The following SCAMP4 variants were observed in gnomAD, a reference collection of about 807,000 sequenced individuals.
SCAMP4 encodes the protein secretory carrier-associated membrane protein 4.
A neutral mutation model predicts 32.1 loss-of-function variants in SCAMP4; 19 were observed. That is an observed-to-expected ratio of 0.59 (90% confidence interval 0.41 to 0.87). SCAMP4 has a LOEUF of 0.87. Ranked by LOEUF, SCAMP4 falls within the 40% of genes least tolerant of loss-of-function variation. The pLI is 0.00. For synonymous variants in SCAMP4, 152 were observed against 132.7 expected (o/e 1.15, Z -1.00); for missense variants, 302 against 309.0 (o/e 0.98, Z 0.17).
intron 1 of SCAMP4, among the ~76,000 whole-genome samples, chr19:1,910,900 C>T (rs971822235): frequency 6.6e-6 from 1 of 151,044 alleles, no homozygotes; most frequent in Non-Finnish European, 1.5e-5. Context: ...GACAGTCTCG[C>T]GCTGTTACCA....
chr19:1,925,658 C>T lies in SCAMP4; in HGVS notation c.*1374C>T, dbSNP rs2014074615. The T allele has an allele frequency of 6.6e-6, 1 of 152,664 alleles. No individual in the cohort carries two copies. Among genetic ancestry groups the T allele is most frequent in the Non-Finnish European group, 1.5e-5 (1 of 68,210 alleles). 9.5% of individuals were successfully genotyped at this position (152,664 alleles called of 1,614,324 possible). A position where few individuals can be genotyped will look rare whatever the true frequency, so the allele number is the denominator to read the frequency against. On this transcript the variant is annotated 3_prime_UTR_variant, in exon 7 of 7. Transcript: ENST00000316097. ...CCCGTTCACCCCCAGGATGCTGTTG[C>T]TGTAGGACGCCTGCTGCCCTGGAGC... is the stretch of plus-strand genomic sequence containing the variant.
rs1268845197 is a variant in SCAMP4 at position 1,908,978 on chromosome 19, G to T, written c.-42+3539G>T. Reference sequence around the variant, plus strand: ...AAATTAGCCGGGCGTGGTGGCATGTGCCTGTATTCCCAGCTACTAGGGGGG... The same window carrying T: ...AAATTAGCCGGGCGTGGTGGCATGTTCCTGTATTCCCAGCTACTAGGGGGG... On this transcript the variant is annotated intron_variant, in intron 1 of 6. Coordinates refer to ENST00000316097, the MANE Select transcript of SCAMP4 (RefSeq NM_079834.4). This position sits in a 1 kb window ranked among gnomAD's most constrained non-coding sequence, Gnocchi z 4.2. 6.6e-6 allele frequency among the ~76,000 whole-genome samples: 1 copy of T among 152,104 alleles called. No homozygotes were observed. The highest frequency in any genetic ancestry group is 1.5e-5 in the Non-Finnish European group (1 of 68,018).
rs1353959059 is a variant in SCAMP4, at chr19:1,908,412, C to A, written c.-42+2973C>A. 2.2e-6 allele frequency: 1 copy of A among 452,370 alleles called. No homozygotes were observed. Among genetic ancestry groups the A allele is most frequent in the Non-Finnish European group, 4.6e-6 (1 of 216,576 alleles). 28.0% of individuals were successfully genotyped at this position (452,370 alleles called of 1,614,324 possible). A position where few individuals can be genotyped will look rare whatever the true frequency, so the allele number is the denominator to read the frequency against. ...GGCGCCCCGGCGGCTGAGGCGTGGA[C>A]CAGGCAGTGCATGTCGAGGAGTAGC... On this transcript the variant is annotated intron_variant, in intron 1 of 6. Transcript: ENST00000316097. This position sits in a 1 kb window ranked among gnomAD's most constrained non-coding sequence, Gnocchi z 4.2.
chr19:1,920,534 GC>G lies in SCAMP4; in HGVS notation c.395+1546del, dbSNP rs534923633. On this transcript the variant is annotated intron_variant, in intron 5 of 6. Coordinates refer to ENST00000316097, the MANE Select transcript of SCAMP4 (RefSeq NM_079834.4). Reference sequence around the variant, plus strand: ...TGCCGCTGAAGCTGGTCTGTCACCTGCCACCCCAAGAGCCTGAGTGACGTTG... The same window carrying G: ...TGCCGCTGAAGCTGGTCTGTCACCTGCACCCCAAGAGCCTGAGTGACGTTG... The G allele has an allele frequency of 5.2e-4, 480 of 920,572 alleles. 3 individuals carry two copies. The African/African-American group carries it at 7.9e-3, about 15-fold the overall frequency. 57.0% of individuals were successfully genotyped at this position (920,572 alleles called of 1,614,324 possible). A position where few individuals can be genotyped will look rare whatever the true frequency, so the allele number is the denominator to read the frequency against.
intron 5 of SCAMP4, chr19:1,919,265 A>G: frequency 7.6e-7 from 1 of 1,308,174 alleles, no homozygotes; most frequent in Non-Finnish European, 9.8e-7. Flanking sequence ...GCGCCCAGCC[A>G]GGCTTGTCTC....
rs544519549 is a variant in SCAMP4, at chr19:1,921,174, C to T, written c.396-1896C>T. On this transcript the variant is annotated intron_variant, in intron 5 of 6. Coordinates refer to ENST00000316097, the MANE Select transcript of SCAMP4 (RefSeq NM_079834.4). ...TGGGGCGAGAGGGGACAGCCCCGCTCTCCCTGTCCTGGGCGGCTTCACCAG... is the reference window on the plus strand; with the variant it reads ...TGGGGCGAGAGGGGACAGCCCCGCTTTCCCTGTCCTGGGCGGCTTCACCAG... 39 of 985,186 alleles carry T rather than the reference C, an allele frequency of 4.0e-5. No individual in the cohort carries two copies. The African/African-American group carries it at 6.3e-4, about 16-fold the overall frequency. 61.0% of individuals were successfully genotyped at this position (985,186 alleles called of 1,614,324 possible). A position where few individuals can be genotyped will look rare whatever the true frequency, so the allele number is the denominator to read the frequency against.
chr19:1,908,443 C>T lies in SCAMP4; in HGVS notation c.-42+3004C>T. The T allele has an allele frequency of 2.1e-6, 1 of 469,234 alleles. No homozygotes were observed. The highest frequency in any genetic ancestry group is 4.4e-6 in the Non-Finnish European group (1 of 226,212). 29.1% of individuals were successfully genotyped at this position (469,234 alleles called of 1,614,324 possible). A position where few individuals can be genotyped will look rare whatever the true frequency, so the allele number is the denominator to read the frequency against. The stretch of plus-strand genomic sequence containing the variant: ...AGTGCATGTCGAGGAGTAGCACCCA[C>T]AGCTGCGCGGCTGCGAAATGATCCA... On this transcript the variant is annotated intron_variant, in intron 1 of 6. Transcript: ENST00000316097. The surrounding 1 kb of genome is among the most constrained non-coding windows in gnomAD (Gnocchi z 4.2).
At chr19:1,905,526 G>A (rs1230559884) in intron 1 of SCAMP4, 87 bp downstream of exon 1, 11 of 359,554 alleles carry the variant, frequency 3.1e-5, no homozygotes, top group Non-Finnish European at 6.1e-5. Flanking sequence ...GGTCTCGGCG[G>A]TGAGGGGCGC....
chr19:1,913,049 C>G lies in SCAMP4; in HGVS notation c.-41-1930C>G. 1.9e-6 allele frequency: 3 copies of G among 1,603,374 alleles called. No individual in the cohort carries two copies. In the African/African-American group the frequency reaches 4.0e-5, roughly 21 times the overall value. On this transcript the variant is annotated intron_variant, in intron 1 of 6. Coordinates refer to ENST00000316097, the MANE Select transcript of SCAMP4 (RefSeq NM_079834.4). ...CGCCCTCGCCCGACGGCGCCCTGGG[C>G]ACCCGCTTCCGCATCCACGCACGGC...
intron 1 of SCAMP4, chr19:1,912,402 C>G (rs1156539885): frequency 6.6e-7 from 1 of 1,516,060 alleles, no homozygotes; most frequent in Non-Finnish European, 8.8e-7. Context: ...GGCCTCGGGC[C>G]CGCGCTCGCT....
In SCAMP4 at chr19:1,921,620, C is replaced by T. The variant is rs2013923583; in HGVS notation, c.396-1450C>T. On this transcript the variant is annotated intron_variant, in intron 5 of 6. Coordinates refer to ENST00000316097, the MANE Select transcript of SCAMP4 (RefSeq NM_079834.4). ...AGCTGCGGGGGCGGCGGCAGGAGTC[C>T]TCAAATGCCTTTGCCGCTTTTCATA... The T allele has an allele frequency of 5.1e-6, 5 of 985,336 alleles. No individual in the cohort carries two copies. In the South Asian group the frequency reaches 1.9e-4, roughly 37 times the overall value. The allele number at this position is 985,336 out of a possible 1,614,324, so 61.0% of individuals were successfully genotyped here.
In SCAMP4 at chr19:1,924,758, G is replaced by A. The variant is rs752085827; in HGVS notation, c.*474G>A. On this transcript the variant is annotated 3_prime_UTR_variant, in exon 7 of 7. Coordinates refer to ENST00000316097, the MANE Select transcript of SCAMP4 (RefSeq NM_079834.4). The stretch of plus-strand genomic sequence containing the variant: ...TGCCCTTGGCCGGAACTAATAAGAG[G>A]CGTCGGGGCCAGCTTCCGGTCCCCT... 1.0e-5 allele frequency: 2 copies of A among 196,106 alleles called. No individual in the cohort carries two copies. Among genetic ancestry groups the A allele is most frequent in the South Asian group, 9.7e-5 (1 of 10,278 alleles). 12.1% of individuals were successfully genotyped at this position (196,106 alleles called of 1,614,324 possible).
In SCAMP4 at chr19:1,911,473, A is replaced by G. The variant is rs138897265; in HGVS notation, c.-41-3506A>G. 1.7e-4 allele frequency among the ~76,000 whole-genome samples: 26 copies of G among 152,314 alleles called. No homozygotes were observed. The East Asian group carries it at 1.7e-3, about 10-fold the overall frequency. Reference sequence around the variant, plus strand: ...AGGCGTGAGCCGCTGGTACCTAGCCATGAATTGTGCTTTTGAAAATGACCT... The same window carrying G: ...AGGCGTGAGCCGCTGGTACCTAGCCGTGAATTGTGCTTTTGAAAATGACCT... On this transcript the variant is annotated intron_variant, in intron 1 of 6. Transcript: ENST00000316097.
At chr19:1,922,538 T>C in intron 5 of SCAMP4, 1 of 985,516 alleles carries the variant, frequency 1.0e-6, no homozygotes, top group Non-Finnish European at 1.2e-6. Flanking sequence ...CCCGGCCTCC[T>C]CATTGTTTCT....
In SCAMP4 at chr19:1,915,015, C is replaced by T. The variant is rs2013683214; in HGVS notation, c.-5C>T. The T allele has an allele frequency of 7.4e-6, 12 of 1,613,866 alleles. No individual in the cohort carries two copies. Among genetic ancestry groups the T allele is most frequent in the Non-Finnish European group, 1.0e-5 (12 of 1,179,840 alleles). ...CTTCAGCCTGCGCTGGTTGGTGAAA[C>T]AGAGATGTCAGGTGAGTCCTGCCTG... On this transcript the variant is annotated 5_prime_UTR_variant, in exon 2 of 7. Transcript: ENST00000316097.
chr19:1,922,445 G>C (rs2013947530), intron 5 of SCAMP4: 1 of 773,178 alleles, frequency 1.3e-6, no homozygotes. Flanking sequence ...TTGTTGGTCA[G>C]GCTGGTCTCC....
At chr19:1,905,463 C>G (rs2013050127) in intron 1 of SCAMP4, 24 bp downstream of exon 1, 1 of 455,400 alleles carries the variant, frequency 2.2e-6, no homozygotes, top group African/African-American at 2.1e-5. Flanking sequence ...CCCGAGGTCT[C>G]GGGTTCTCCA....
Position 1,918,200 on chromosome 19 carries a change from C to T in SCAMP4, c.210C>T (p.Asn70=). The T allele has an allele frequency of 1.9e-6, 3 of 1,612,472 alleles. No homozygotes were observed. Among genetic ancestry groups the T allele is most frequent in the Non-Finnish European group, 2.5e-6 (3 of 1,179,850 alleles). The change falls in exon 4 of 7, where the codon AAC becomes AAT. Residue 70 remains asparagine, a synonymous_variant. Transcript: ENST00000316097. ...AWWIGGGSGT[N]FGLAFVWLLL... ...GGATCGGCGGAGGCTCGGGGACCAA[C>T]TTCGGCCTGGCCTTCGTGTGGCTGC...
chr19:1,918,314 C>T (rs1373824568), intron 4 of SCAMP4, 31 bp downstream of exon 4: 1 of 1,550,504 alleles, frequency 6.4e-7, no homozygotes, highest in East Asian at 2.3e-5. Context: ...CCGTCTGCAC[C>T]CAGAGGGAAC....
Sources: allele counts gnomAD v4.1 joint callset (sites outside exome capture counted in the v4.1 genomes callset), GRCh38; gene constraint gnomAD v4.1.1; non-coding constraint Gnocchi (gnomAD v3.1); transcripts MANE v1.5; gene names NCBI Gene and HGNC (gene_info 2026-07-23, HGNC 2026-07-21).